The following KCNT2 variants were observed in gnomAD, a reference collection of about 807,000 sequenced individuals.
KCNT2 encodes potassium channel subfamily T member 2.
Under a neutral mutation model 153.8 loss-of-function variants are expected in KCNT2, and 67 were observed. The ratio of observed to expected loss-of-function variants is 0.44; its 90% CI spans 0.36 to 0.53. The LOEUF (loss-of-function observed/expected upper bound fraction) is 0.53, where lower values mean the gene tolerates loss of function less well. Among genes scored for constraint, KCNT2 ranks in the 20% least tolerant of loss-of-function variants. The pLI, the probability that KCNT2 is intolerant of heterozygous loss-of-function variation, is 0.00. For synonymous variants in KCNT2, 500 were observed against 458.8 expected, an observed-to-expected ratio of 1.09 and a Z score of -1.15; for missense variants, 975 against 1,354.8, an observed-to-expected ratio of 0.72 and a Z score of 4.40.
At chr1:196,373,378 C>T (rs1378316905) in intron 13 of KCNT2, 130 bp from the exon 14 acceptor site, 1 of 585,804 alleles carries the variant, frequency 1.7e-6, no homozygotes, top group East Asian at 2.9e-5. Context: ...GATGTTTTTA[C>T]AAGTGCAATT....
chr1:196,366,223 G>A (rs370750109), intron 14 of KCNT2, among the ~76,000 whole-genome samples: 5 of 151,312 alleles, frequency 3.3e-5, no homozygotes, highest in African/African-American at 7.3e-5. Flanking sequence ...GCAATGGCGC[G>A]ATCTCAGCTC....
intron 26 of KCNT2, among the ~76,000 whole-genome samples, chr1:196,242,971 A>C (rs1206078640): frequency 6.6e-6 from 1 of 152,164 alleles, no homozygotes; most frequent in Non-Finnish European, 1.5e-5. Flanking sequence ...ACATTCAATG[A>C]GTTTTGACAA....
chr1:196,480,162 C>A (rs1406878643), intron 4 of KCNT2, among the ~76,000 whole-genome samples: 2 of 151,994 alleles, frequency 1.3e-5, no homozygotes, highest in African/African-American at 4.8e-5. Context: ...ACTCTACAAC[C>A]TTAGGATAGA....
chr1:196,380,674 T>G (rs890643523), intron 13 of KCNT2, among the ~76,000 whole-genome samples: 4 of 152,228 alleles, frequency 2.6e-5, no homozygotes, highest in Non-Finnish European at 5.9e-5. Context: ...TTAGTCATTT[T>G]TATTTTATGG....
intron 26 of KCNT2, among the ~76,000 whole-genome samples, chr1:196,237,596 A>G (rs78610917): frequency 3.7e-4 from 56 of 151,914 alleles, no homozygotes; most frequent in Non-Finnish European, 6.0e-4. Flanking sequence ...TTGGAATCTC[A>G]GTCTGTCACT....
At chr1:196,586,543 T>G (rs1662702007) in intron 1 of KCNT2, among the ~76,000 whole-genome samples, 1 of 152,130 alleles carries the variant, frequency 6.6e-6, no homozygotes, top group Non-Finnish European at 1.5e-5. Flanking sequence ...GTTTCTGTTA[T>G]CATTAATAAG....
chr1:196,590,076 C>A (rs1213034213), intron 1 of KCNT2, among the ~76,000 whole-genome samples: 2 of 152,098 alleles, frequency 1.3e-5, no homozygotes, highest in Non-Finnish European at 2.9e-5. Context: ...AACAAAACTG[C>A]ACTTGTATCC....
At chr1:196,310,915 C>T (rs1662114461) in intron 21 of KCNT2, among the ~76,000 whole-genome samples, 1 of 151,772 alleles carries the variant, frequency 6.6e-6, no homozygotes, top group Non-Finnish European at 1.5e-5. Flanking sequence ...AATTCCATTT[C>T]AGCCTCCTCG....
chr1:196,474,104 G>A (rs1353876281), intron 5 of KCNT2, among the ~76,000 whole-genome samples: 5 of 151,652 alleles, frequency 3.3e-5, no homozygotes, highest in African/African-American at 7.3e-5. Context: ...CATTTAGCAC[G>A]GACACATCAT....
At chr1:196,579,604 C>T (rs999752060) in intron 1 of KCNT2, among the ~76,000 whole-genome samples, 4 of 151,996 alleles carry the variant, frequency 2.6e-5, no homozygotes, top group Non-Finnish European at 4.4e-5. Flanking sequence ...AGTGATTCTC[C>T]TGCCTCAGCC....
At chr1:196,323,652 A>C (rs1195692557) in intron 19 of KCNT2, among the ~76,000 whole-genome samples, 1 of 151,910 alleles carries the variant, frequency 6.6e-6, no homozygotes, top group African/African-American at 2.4e-5. Flanking sequence ...GAATATTATA[A>C]ATTTAATTTA....
intron 26 of KCNT2, among the ~76,000 whole-genome samples, chr1:196,238,302 G>A (rs770097949): frequency 6.6e-6 from 1 of 151,700 alleles, no homozygotes; most frequent in Non-Finnish European, 1.5e-5. Context: ...TTTCCGGTGG[G>A]AGATATGATT....
intron 25 of KCNT2, among the ~76,000 whole-genome samples, chr1:196,272,281 A>G (rs1285603757): frequency 1.3e-5 from 2 of 151,878 alleles, no homozygotes; most frequent in Non-Finnish European, 1.5e-5. Flanking sequence ...TACACTACGG[A>G]TTCTTTATCA....
intron 14 of KCNT2, among the ~76,000 whole-genome samples, chr1:196,363,166 A>G (rs1667768167): frequency 6.6e-6 from 1 of 152,096 alleles, no homozygotes; most frequent in East Asian, 1.9e-4. Flanking sequence ...ACTTATTTAT[A>G]TTAGTATGGA....
intron 12 of KCNT2, among the ~76,000 whole-genome samples, chr1:196,411,598 A>T (rs76057542): frequency 0.017 from 2,542 of 151,644 alleles, 43 homozygotes; most frequent in South Asian, 0.054. Context: ...CACCTCCTTG[A>T]TTAAGTTTAA....
chr1:196,518,980 A>G (rs183684667), intron 1 of KCNT2, among the ~76,000 whole-genome samples: 5 of 152,288 alleles, frequency 3.3e-5, no homozygotes. Context: ...CAAAAACAAC[A>G]GAGTATACAT....
intron 13 of KCNT2, among the ~76,000 whole-genome samples, chr1:196,387,493 C>T (rs1291422768): frequency 6.6e-6 from 1 of 151,774 alleles, no homozygotes; most frequent in African/African-American, 2.4e-5. Context: ...GCATTTTTTT[C>T]CCTTAATAGC....
intron 26 of KCNT2, among the ~76,000 whole-genome samples, chr1:196,239,735 A>G (rs1046232606): frequency 6.6e-6 from 1 of 152,080 alleles, no homozygotes; most frequent in African/African-American, 2.4e-5. Context: ...TATTTCTGTT[A>G]TAGACTGAAT....
rs985366076 is a variant in KCNT2 at position 196,225,989 on chromosome 1, A to G, written c.*2235T>C. 11 of 152,108 alleles carry G rather than the reference A, an allele frequency of 7.2e-5. No homozygotes were observed. The highest frequency in any genetic ancestry group is 2.7e-4 in the African/African-American group (11 of 41,460). 9.4% of individuals were successfully genotyped at this position (152,108 alleles called of 1,614,324 possible). On this transcript the variant is annotated 3_prime_UTR_variant, in exon 28 of 28. Transcript: ENST00000294725. ...TTATAAGCATGTTTTTATTCTTTAA[A>G]TAACAGAAAGACTAATAAATTATCA...
Sources: allele counts gnomAD v4.1 joint callset (sites outside exome capture counted in the v4.1 genomes callset), GRCh38; gene constraint gnomAD v4.1.1; transcripts MANE v1.5; gene names NCBI Gene and HGNC (gene_info 2026-07-23, HGNC 2026-07-21).